SLIT2: variants seen among roughly 807,000 people sequenced by gnomAD.
The protein encoded by SLIT2 is slit homolog 2 protein.
Under a neutral mutation model 185.7 loss-of-function variants are expected in SLIT2, and 41 were observed. That is an observed-to-expected ratio of 0.22 (90% CI 0.17 to 0.29). The LOEUF (loss-of-function observed/expected upper bound fraction) is 0.29, where lower values mean the gene tolerates loss of function less well. SLIT2 is among the 10% of genes least tolerant of loss of function. The pLI is 1.00. For synonymous variants in SLIT2, 693 were observed against 680.2 expected (o/e 1.02, Z -0.29); for missense variants, 1,571 against 1,909.0 (o/e 0.82, Z 3.30).
Position 20,256,704 on chromosome 4 carries a change from C to A in SLIT2, c.212C>A (p.Thr71Lys). The A allele has an allele frequency of 6.4e-7, 1 of 1,573,246 alleles. No homozygotes were observed. Among genetic ancestry groups the A allele is most frequent in the African/African-American group, 1.4e-5 (1 of 73,824 alleles). Reference sequence around the variant, plus strand: ...AATGGAAATAACATCACAAGAATTACGAAGACAGATTTTGCTGGTCTTAGA... The same window carrying A: ...AATGGAAATAACATCACAAGAATTAAGAAGACAGATTTTGCTGGTCTTAGA... ...DLNGNNITRI[T>K]KTDFAGLRHL... The change falls in exon 2 of 37, where the codon ACG (threonine) becomes AAG (lysine). Residue 71 changes from threonine (T) to lysine (K), a missense_variant. By Grantham distance (78) the Thr-to-Lys change is moderately conservative. Transcript: ENST00000504154.
intron 3 of SLIT2, 54 bp downstream of exon 3, chr4:20,257,993 A>G: frequency 1.2e-6 from 1 of 869,166 alleles, no homozygotes. Context: ...TTTTAAAAAT[A>G]CTTAAATTTC....
chr4:20,402,488 T>A (rs888767930), intron 4 of SLIT2, among the ~76,000 whole-genome samples: 7 of 151,942 alleles, frequency 4.6e-5, no homozygotes, highest in African/African-American at 1.7e-4. Flanking sequence ...TGTAGTACTT[T>A]GTAAGTTGTC....
chr4:20,450,182 A>C (rs1712307825), intron 4 of SLIT2, among the ~76,000 whole-genome samples: 1 of 152,216 alleles, frequency 6.6e-6, no homozygotes, highest in Non-Finnish European at 1.5e-5. Context: ...ATCTTCAGAC[A>C]ATCATTAGAG....
chr4:20,303,142 C>T (rs1006625139), intron 4 of SLIT2, among the ~76,000 whole-genome samples: 1 of 152,140 alleles, frequency 6.6e-6, no homozygotes, highest in Non-Finnish European at 1.5e-5. Context: ...TAGTTTTATA[C>T]TGTGCAAGAC....
At chr4:20,519,275 G>T in intron 11 of SLIT2, 107 bp from the exon 12 acceptor site, 2 of 673,324 alleles carry the variant, frequency 3.0e-6, no homozygotes. Context: ...CTTTTATGAT[G>T]TATTGATTGC....
At chr4:20,388,700 G>T (rs2109359668) in intron 4 of SLIT2, among the ~76,000 whole-genome samples, 1 of 151,032 alleles carries the variant, frequency 6.6e-6, no homozygotes, top group African/African-American at 2.4e-5. Flanking sequence ...TTTGAACCCA[G>T]GAGGCAGAGG....
At chr4:20,495,898 A>G (rs1241081392) in intron 9 of SLIT2, among the ~76,000 whole-genome samples, 1 of 152,190 alleles carries the variant, frequency 6.6e-6, no homozygotes, top group Admixed American at 6.5e-5. Context: ...AACAAAGAAC[A>G]TCACTAAGAT....
rs1729722874 is a variant in SLIT2 at position 20,617,126 on chromosome 4, C to T, written c.4064C>T (p.Thr1355Ile). Residue 1355 changes from threonine to isoleucine, a missense_variant, in exon 35 of 37, where the codon ACC becomes ATC. Transcript: ENST00000504154. ...TCQPSSQAGF[T>I]CECQEGWMGP... ...CAGCCCAGCAGCCAGGCAGGCTTCA[C>T]CTGCGAGTGCCAGGAAGGATGGATG... 2 of 1,610,190 alleles carry T rather than the reference C, an allele frequency of 1.2e-6. No individual in the cohort carries two copies. Among genetic ancestry groups the T allele is most frequent in the Non-Finnish European group, 8.5e-7 (1 of 1,176,738 alleles).
chr4:20,527,768 G>C (rs1721426668), intron 15 of SLIT2, among the ~76,000 whole-genome samples: 1 of 152,136 alleles, frequency 6.6e-6, no homozygotes, highest in South Asian at 2.1e-4. Flanking sequence ...AGAAGGAAGA[G>C]AGCTTAGTTT....
chr4:20,416,079 A>G (rs1054074003), intron 4 of SLIT2, among the ~76,000 whole-genome samples: 1 of 152,170 alleles, frequency 6.6e-6, no homozygotes, highest in African/African-American at 2.4e-5. Context: ...AATCTTTGGA[A>G]AATGTATCAA....
At chr4:20,323,349 A>C (rs1471745736) in intron 4 of SLIT2, among the ~76,000 whole-genome samples, 2 of 152,226 alleles carry the variant, frequency 1.3e-5, no homozygotes, top group African/African-American at 2.4e-5. Flanking sequence ...GGATATTAAC[A>C]TTTAAAGGAT....
chr4:20,516,492 A>G (rs1320368603), intron 11 of SLIT2, among the ~76,000 whole-genome samples: 1 of 152,150 alleles, frequency 6.6e-6, no homozygotes, highest in East Asian at 1.9e-4. Flanking sequence ...TTTTCAGCTG[A>G]TACCACTTTT....
At chr4:20,379,336 A>C (rs981892532) in intron 4 of SLIT2, among the ~76,000 whole-genome samples, 4 of 152,152 alleles carry the variant, frequency 2.6e-5, no homozygotes, top group African/African-American at 9.7e-5. Context: ...AAATAACGAC[A>C]TTTATTATAA....
rs1319250410 is a variant in SLIT2 at position 20,268,951 on chromosome 4, T to A, written c.395+70T>A. ...TGTTTTATTAAATGTATTTTGGATC[T>A]GTTTGTGTGTGCTTTCCTGGAATCT... On this transcript the variant is annotated intron_variant, in intron 4 of 36. Coordinates refer to ENST00000504154, the MANE Select transcript of SLIT2 (RefSeq NM_004787.4). 10 of 915,058 alleles carry A rather than the reference T, an allele frequency of 1.1e-5. No individual in the cohort carries two copies. The Admixed American group carries it at 1.7e-4, about 16-fold the overall frequency. The allele number at this position is 915,058 out of a possible 1,614,324, so 56.7% of individuals were successfully genotyped here. A position where few individuals can be genotyped will look rare whatever the true frequency, so the allele number is the denominator to read the frequency against.
At chr4:20,495,317 A>G (rs1718135207) in intron 9 of SLIT2, among the ~76,000 whole-genome samples, 1 of 152,210 alleles carries the variant, frequency 6.6e-6, no homozygotes, top group South Asian at 2.1e-4. Context: ...ATGAGTTTAG[A>G]GAGAAACGAG....
At chr4:20,495,330 T>G (rs1718136691) in intron 9 of SLIT2, among the ~76,000 whole-genome samples, 1 of 151,670 alleles carries the variant, frequency 6.6e-6, no homozygotes, top group South Asian at 2.1e-4. Flanking sequence ...GAAACGAGAG[T>G]GTGAGAGTTA....
intron 11 of SLIT2, among the ~76,000 whole-genome samples, chr4:20,515,994 T>C (rs1196767719): frequency 6.6e-6 from 1 of 152,186 alleles, no homozygotes; most frequent in African/African-American, 2.4e-5. Flanking sequence ...TTTTTGTATT[T>C]TTAGTAGAGA....
intron 4 of SLIT2, among the ~76,000 whole-genome samples, chr4:20,462,897 C>T (rs1231652243): frequency 6.6e-6 from 1 of 152,110 alleles, no homozygotes; most frequent in Non-Finnish European, 1.5e-5. Flanking sequence ...AGCAGGTATA[C>T]TCAGGAGCAC....
chr4:20,511,475 G>C (rs1577821316), intron 11 of SLIT2, among the ~76,000 whole-genome samples: 1 of 138,808 alleles, frequency 7.2e-6, no homozygotes, highest in African/African-American at 2.7e-5. Context: ...AGACTGGAGT[G>C]CAGTGGCGCC....
Sources: gnomAD v4.1 joint callset for allele counts (sites outside exome capture counted in the v4.1 genomes callset) on GRCh38, gnomAD v4.1.1 for gene constraint, MANE v1.5 for transcripts, NCBI Gene and HGNC (gene_info 2026-07-23, HGNC 2026-07-21) for gene names.